The following ANKS1B variants were observed in gnomAD, a reference collection of about 807,000 sequenced individuals.
ANKS1B encodes the protein ankyrin repeat and sterile alpha motif domain containing 1B.
Under a neutral mutation model 148.3 loss-of-function variants are expected in ANKS1B, and 36 were observed. That is an observed-to-expected ratio of 0.24 (90% CI 0.19 to 0.32). The LOEUF (loss-of-function observed/expected upper bound fraction) is 0.32, where lower values mean the gene tolerates loss of function less well. ANKS1B is among the 10% of genes least tolerant of loss of function. The pLI is 1.00. For synonymous variants in ANKS1B, 542 were observed against 560.8 expected (o/e 0.97, Z 0.47); for missense variants, 1,157 against 1,542.6 (o/e 0.75, Z 4.19).
chr12:99,369,691 T>C (rs2092975869), intron 12 of ANKS1B, among the ~76,000 whole-genome samples: 1 of 151,968 alleles, frequency 6.6e-6, no homozygotes. Flanking sequence ...ATTTTCAAAT[T>C]TTTCAGCAAG....
chr12:99,948,039 C>A (rs969863885), intron 1 of ANKS1B, among the ~76,000 whole-genome samples: 1 of 152,170 alleles, frequency 6.6e-6, no homozygotes, highest in Non-Finnish European at 1.5e-5. Context: ...AACCTCCCTA[C>A]CTTAAGGTCA....
At chr12:99,606,156 T>A (rs985716565) in intron 9 of ANKS1B, among the ~76,000 whole-genome samples, 1 of 152,108 alleles carries the variant, frequency 6.6e-6, no homozygotes, top group Admixed American at 6.6e-5. Flanking sequence ...TCTATTCAGA[T>A]CTTTCACCCA....
At chr12:98,773,217 G>A (rs1415801083) in intron 24 of ANKS1B, 38 bp from the exon 25 acceptor site, 2 of 1,568,718 alleles carry the variant, frequency 1.3e-6, no homozygotes, top group East Asian at 4.5e-5. Flanking sequence ...GTTTTCCTCT[G>A]CGAACCAGCA....
At chr12:99,895,637 C>T (rs2093354177) in intron 1 of ANKS1B, among the ~76,000 whole-genome samples, 2 of 149,560 alleles carry the variant, frequency 1.3e-5, no homozygotes, top group South Asian at 4.2e-4. Context: ...ACATGACTTT[C>T]TGGATTGAAA....
At chr12:99,894,773 A>G (rs942726614) in intron 1 of ANKS1B, among the ~76,000 whole-genome samples, 9 of 135,384 alleles carry the variant, frequency 6.6e-5, no homozygotes, top group African/African-American at 2.1e-4. Context: ...TTATAAATAT[A>G]TAATAATAAT....
At chr12:99,304,875 TA>T (rs1388489477) in intron 12 of ANKS1B, among the ~76,000 whole-genome samples, 1 of 152,166 alleles carries the variant, frequency 6.6e-6, no homozygotes, top group African/African-American at 2.4e-5. Context: ...CTTGAATTCA[TA>T]AAAAAAGGTT....
chr12:99,011,174 G>A (rs1427914947), intron 17 of ANKS1B, among the ~76,000 whole-genome samples: 1 of 152,128 alleles, frequency 6.6e-6, no homozygotes, highest in Non-Finnish European at 1.5e-5. Context: ...CCTTGGCTGA[G>A]CAGGCTCATA....
chr12:99,028,394 A>T (rs559606328), intron 17 of ANKS1B, among the ~76,000 whole-genome samples: 1 of 152,330 alleles, frequency 6.6e-6, no homozygotes, highest in African/African-American at 2.4e-5. Context: ...GTATGGGGAG[A>T]CATTGTAACA....
At position 99,069,865 on chromosome 12, in the gene ANKS1B, A is replaced by T. The variant is rs538063300; in HGVS notation, c.2625+15060T>A. Among the ~76,000 whole-genome samples the T allele has an allele frequency of 2.0e-5, 3 of 152,322 alleles. No homozygotes were observed. In the South Asian group the frequency reaches 6.2e-4, roughly 32 times the overall value. Reference sequence around the variant, plus strand: ...ACAGAGTACAGAGACGGGGCACTCCAGTAATAGGAAGTAGAGGAAAGCAGT... The same window carrying T: ...ACAGAGTACAGAGACGGGGCACTCCTGTAATAGGAAGTAGAGGAAAGCAGT... On this transcript the variant is annotated intron_variant, in intron 16 of 26. Coordinates refer to ENST00000683438, the MANE Select transcript of ANKS1B (RefSeq NM_001352186.2).
chr12:99,828,953 A>G (rs1036070679), intron 1 of ANKS1B, among the ~76,000 whole-genome samples: 1 of 152,164 alleles, frequency 6.6e-6, no homozygotes, highest in African/African-American at 2.4e-5. Context: ...ACTGCACTGC[A>G]ACCTGGGTGA....
At chr12:99,378,250 T>C (rs1282393587) in intron 12 of ANKS1B, among the ~76,000 whole-genome samples, 2 of 152,160 alleles carry the variant, frequency 1.3e-5, no homozygotes, top group Non-Finnish European at 2.9e-5. Context: ...AGAGAATGGA[T>C]TATCTTAAAG....
chr12:99,427,232 T>C (rs1249025097), intron 11 of ANKS1B, among the ~76,000 whole-genome samples: 2 of 152,212 alleles, frequency 1.3e-5, no homozygotes, highest in Non-Finnish European at 2.9e-5. Flanking sequence ...CAGTGGCTTC[T>C]AATTGCACTT....
At chr12:99,676,614 AAAATAAAT>A (rs1231865570) in intron 8 of ANKS1B, among the ~76,000 whole-genome samples, 1 of 152,262 alleles carries the variant, frequency 6.6e-6, no homozygotes, top group African/African-American at 2.4e-5. Flanking sequence ...GACATGTATT[AAAATAAAT>A]AAAGTAAATG....
chr12:98,800,862 T>C (rs1415844675), intron 21 of ANKS1B, 135 bp downstream of exon 21: 4 of 1,125,722 alleles, frequency 3.6e-6, no homozygotes, highest in East Asian at 2.6e-5. Context: ...TAAGAAAAAG[T>C]GAAGAGAAAA....
intron 9 of ANKS1B, among the ~76,000 whole-genome samples, chr12:99,558,088 G>A (rs2097296183): frequency 6.6e-6 from 1 of 152,176 alleles, no homozygotes; most frequent in Non-Finnish European, 1.5e-5. Context: ...GAGAGTGTAA[G>A]CCCAAGTGCT....
intron 1 of ANKS1B, among the ~76,000 whole-genome samples, chr12:99,953,074 T>A (rs563902714): frequency 8.7e-4 from 132 of 152,172 alleles, no homozygotes; most frequent in African/African-American, 3.1e-3. Flanking sequence ...GAGATGTAAA[T>A]TGGAGAACTG....
chr12:98,872,719 C>T (rs1053999266), intron 17 of ANKS1B, among the ~76,000 whole-genome samples: 3 of 152,018 alleles, frequency 2.0e-5, no homozygotes, highest in Admixed American at 6.6e-5. Flanking sequence ...AAGAGACAAC[C>T]GTGCTGATAC....
intron 9 of ANKS1B, among the ~76,000 whole-genome samples, chr12:99,540,462 A>G (rs2097114269): frequency 6.6e-6 from 1 of 152,168 alleles, no homozygotes; most frequent in Non-Finnish European, 1.5e-5. Context: ...TATGTCATAC[A>G]AGGTATGTTC....
intron 12 of ANKS1B, among the ~76,000 whole-genome samples, chr12:99,377,626 T>C (rs541077897): frequency 6.6e-6 from 1 of 152,370 alleles, no homozygotes; most frequent in African/African-American, 2.4e-5. Flanking sequence ...TTTCAAAATT[T>C]GTTTAGACAA....
Sources: gnomAD v4.1 joint callset for allele counts (sites outside exome capture counted in the v4.1 genomes callset) on GRCh38, gnomAD v4.1.1 for gene constraint, MANE v1.5 for transcripts, NCBI Gene and HGNC (gene_info 2026-07-23, HGNC 2026-07-21) for gene names.